Variants in RBM14 observed in about 807,000 individuals in gnomAD.
RBM14 encodes RNA-binding protein 14.
Under a neutral mutation model 52.8 loss-of-function variants are expected in RBM14, and 5 were observed. That is an observed-to-expected ratio of 0.09 (90% CI 0.05 to 0.20). The LOEUF is 0.20. Among genes scored for constraint, RBM14 ranks in the 10% least tolerant of loss-of-function variants. RBM14 has a pLI of 1.00. For synonymous variants in RBM14, 411 were observed against 401.8 expected (o/e 1.02, Z -0.28); for missense variants, 780 against 926.6 (o/e 0.84, Z 2.05).
intron 2 of RBM14, among the ~76,000 whole-genome samples, chr11:66,626,169 C>T (rs889683431): frequency 6.6e-6 from 1 of 152,240 alleles, no homozygotes; most frequent in Non-Finnish European, 1.5e-5. Context: ...TCTTTCTCTG[C>T]AGGGCCCAGG....
chr11:66,629,425 T>A lies in RBM14; in HGVS notation c.*2757T>A, dbSNP rs556452673. Among the ~76,000 whole-genome samples, 5 of 152,306 alleles carry A rather than the reference T, an allele frequency of 3.3e-5. No homozygotes were observed. Among genetic ancestry groups the A allele is most frequent in the African/African-American group, 9.6e-5 (4 of 41,568 alleles). On this transcript the variant is annotated 3_prime_UTR_variant, in exon 3 of 3. Coordinates refer to ENST00000310137, the MANE Select transcript of RBM14 (RefSeq NM_006328.4). Reference sequence around the variant, plus strand: ...TGTGTGCATGGTGGGCTTGAGACTCTCTTGTAATGGAGGTAATGGGACTAT... The same window carrying A: ...TGTGTGCATGGTGGGCTTGAGACTCACTTGTAATGGAGGTAATGGGACTAT...
At chr11:66,618,985 T>TA (rs1188957553) in intron 1 of RBM14, 1 of 170,370 alleles carries the variant, frequency 5.9e-6, no homozygotes, top group African/African-American at 2.4e-5. Context: ...TGCATTGACT[T>TA]ACTCCGGGAG....
chr11:66,621,468 C>G (rs761574422), intron 1 of RBM14, among the ~76,000 whole-genome samples: 1 of 151,930 alleles, frequency 6.6e-6, no homozygotes, highest in Non-Finnish European at 1.5e-5. Flanking sequence ...ACCTCCGCCT[C>G]CCGGGTTAAA....
Position 66,626,733 on chromosome 11 carries a change from C to A in RBM14, c.*65C>A, listed in dbSNP as rs1042449913. The A allele has an allele frequency of 8.5e-6, 12 of 1,417,608 alleles. No individual in the cohort carries two copies. The African/African-American group carries it at 1.7e-4, about 20-fold the overall frequency. 87.8% of individuals were successfully genotyped at this position (1,417,608 alleles called of 1,614,324 possible). ...AAAGAGGTGGGTAGGGTTACAGATC[C>A]AGGTTATAACTACTCTGGCCCATAC... On this transcript the variant is annotated 3_prime_UTR_variant, in exon 3 of 3. Coordinates refer to ENST00000310137, the MANE Select transcript of RBM14 (RefSeq NM_006328.4).
At position 66,629,512 on chromosome 11, in the gene RBM14, C is replaced by T. The variant is rs1206564330; in HGVS notation, c.*2844C>T. ...TCTAGTCATACCCATCACTTAAATTCTGCCACAGTCTGCACAGACGGTTGG... is the reference window on the plus strand; with the variant it reads ...TCTAGTCATACCCATCACTTAAATTTTGCCACAGTCTGCACAGACGGTTGG... On this transcript the variant is annotated 3_prime_UTR_variant, in exon 3 of 3. Coordinates refer to ENST00000310137, the MANE Select transcript of RBM14 (RefSeq NM_006328.4). Among the ~76,000 whole-genome samples, 3 of 152,228 alleles carry T rather than the reference C, an allele frequency of 2.0e-5. No individual in the cohort carries two copies. The highest frequency in any genetic ancestry group is 4.4e-5 in the Non-Finnish European group (3 of 68,042).
At position 66,625,583 on chromosome 11, in the gene RBM14, C is replaced by T. The variant is rs749606604; in HGVS notation, c.1707C>T (p.Ala569=). ...LSMSQGAVAN[A]NSTPPPYERT... ...TGTCCCAGGGGGCCGTTGCCAACGC[C>T]AACAGCACCCCGCCGCCCTATGAGC... The change falls in exon 2 of 3, where the codon GCC becomes GCT. Residue 569 remains alanine, a synonymous_variant. Coordinates refer to ENST00000310137, the MANE Select transcript of RBM14 (RefSeq NM_006328.4). The surrounding 1 kb of genome is among the most constrained non-coding windows in gnomAD (Gnocchi z 4.2). 8.1e-6 allele frequency: 13 copies of T among 1,611,450 alleles called. No homozygotes were observed. The Admixed American group carries it at 1.7e-4, about 21-fold the overall frequency.
intron 1 of RBM14, among the ~76,000 whole-genome samples, chr11:66,623,667 T>C (rs1371765158): frequency 6.6e-6 from 1 of 152,338 alleles, no homozygotes; most frequent in East Asian, 1.9e-4. Context: ...AGAGATCATA[T>C]TGGAATGTTG....
intron 1 of RBM14, among the ~76,000 whole-genome samples, chr11:66,618,120 T>C (rs1858928895): frequency 6.6e-6 from 1 of 152,226 alleles, no homozygotes. Context: ...CCTTAAGCTC[T>C]TTATCTTTTA....
chr11:66,624,730 A>T lies in RBM14; in HGVS notation c.854A>T (p.Tyr285Phe), dbSNP rs765160137. Residue 285 changes from tyrosine (Y) to phenylalanine (F), a missense_variant, in exon 2 of 3, where the codon TAC (tyrosine) becomes TTC (phenylalanine). By Grantham distance (22) the Tyr-to-Phe change is conservative (BLOSUM62 3). This residue lies in a region of RBM14 where 675 missense variants were observed against 697.3 expected (regional missense o/e 0.97). Coordinates refer to ENST00000310137, the MANE Select transcript of RBM14 (RefSeq NM_006328.4). The surrounding 1 kb of genome is among the most constrained non-coding windows in gnomAD (Gnocchi z 4.7). Reference sequence around the variant, plus strand: ...CCCTCTGTCTCCCTTGGGGCACCATACAGGGGCCAGCTGGCTAGTCCTAGC... The same window carrying T: ...CCCTCTGTCTCCCTTGGGGCACCATTCAGGGGCCAGCTGGCTAGTCCTAGC... ...AQPSVSLGAP[Y>F]RGQLASPSSQ... is the part of the protein sequence containing the mutation. The T allele has an allele frequency of 6.2e-7, 1 of 1,613,722 alleles. No individual in the cohort carries two copies. The highest frequency in any genetic ancestry group is 8.5e-7 in the Non-Finnish European group (1 of 1,179,890).
chr11:66,624,248 T>A lies in RBM14; in HGVS notation c.372T>A (p.Asp124Glu). Reference protein sequence around the residue: ...YAFVHMEKEADAKAAIAQLNG... With the variant: ...YAFVHMEKEAEAKAAIAQLNG... ...TTGTTCACATGGAGAAGGAAGCAGA[T>A]GCCAAAGCCGCAATCGCGCAGCTCA... Residue 124 changes from aspartate (D) to glutamate (E), a missense_variant, in exon 2 of 3, where the codon GAT (aspartate) becomes GAA (glutamate). Transcript: ENST00000310137. The surrounding 1 kb of genome is among the most constrained non-coding windows in gnomAD (Gnocchi z 4.7). 1 of 1,601,770 alleles carries A rather than the reference T, an allele frequency of 6.2e-7. No homozygotes were observed. Among genetic ancestry groups the A allele is most frequent in the Non-Finnish European group, 8.5e-7 (1 of 1,172,256 alleles).
In RBM14 at chr11:66,625,840, C is replaced by G. The variant is rs747229342; in HGVS notation, c.1802+162C>G. The stretch of plus-strand genomic sequence containing the variant: ...GAGGGGAGCAGTGTCTATGAACTTT[C>G]CTGGTCACCAGGGTTCAGGTGGAGC... On this transcript the variant is annotated intron_variant, in intron 2 of 2. Transcript: ENST00000310137. This position sits in a 1 kb window ranked among gnomAD's most constrained non-coding sequence, Gnocchi z 4.2. The G allele has an allele frequency of 1.6e-6, 1 of 629,980 alleles. No homozygotes were observed. Among genetic ancestry groups the G allele is most frequent in the Non-Finnish European group, 2.7e-6 (1 of 370,560 alleles). 39.0% of individuals were successfully genotyped at this position (629,980 alleles called of 1,614,324 possible). A position where few individuals can be genotyped will look rare whatever the true frequency, so the allele number is the denominator to read the frequency against.
chr11:66,620,707 A>T (rs1356315499), intron 1 of RBM14: 1 of 152,174 alleles, frequency 6.6e-6, no homozygotes, highest in Non-Finnish European at 1.5e-5. Flanking sequence ...TCTGAATAAA[A>T]CTCACTAAGG....
intron 1 of RBM14, among the ~76,000 whole-genome samples, chr11:66,618,017 G>A (rs555088546): frequency 6.6e-6 from 1 of 152,324 alleles, no homozygotes; most frequent in South Asian, 2.1e-4. Flanking sequence ...TCTCAGGGCA[G>A]ATCCCGGTGC....
chr11:66,619,710 G>A (rs945708832), intron 1 of RBM14, among the ~76,000 whole-genome samples: 1 of 152,000 alleles, frequency 6.6e-6, no homozygotes, highest in African/African-American at 2.4e-5. Flanking sequence ...GGGACTACAG[G>A]CGCCCGCCAC....
chr11:66,626,391 C>A, intron 2 of RBM14, 70 bp from the exon 3 acceptor site: 1 of 1,424,770 alleles, frequency 7.0e-7, no homozygotes, highest in Non-Finnish European at 9.8e-7. Context: ...CCATTGGCAT[C>A]TCCCCAATGC....
chr11:66,620,294 A>T (rs967684219), intron 1 of RBM14, among the ~76,000 whole-genome samples: 1 of 151,866 alleles, frequency 6.6e-6, no homozygotes, highest in South Asian at 2.1e-4. Context: ...ATTTATTTTT[A>T]TGTTATTTAT....
At chr11:66,626,260 G>A (rs914337254) in intron 2 of RBM14, among the ~76,000 whole-genome samples, 1 of 152,150 alleles carries the variant, frequency 6.6e-6, no homozygotes, top group Non-Finnish European at 1.5e-5. Context: ...TTCAGTGGAG[G>A]GTTTGATTTC....
rs1937845139 is a variant in RBM14, at chr11:66,626,926, G to C, written c.*258G>C. The C allele has an allele frequency of 2.6e-6, 1 of 387,276 alleles. No individual in the cohort carries two copies. 24.0% of individuals were successfully genotyped at this position (387,276 alleles called of 1,614,324 possible). A position where few individuals can be genotyped will look rare whatever the true frequency, so the allele number is the denominator to read the frequency against. ...CTCTACCCTGCCTCCCGTCTCCCCA[G>C]AATGGGAATTTCTTTTATGTTTTTA... On this transcript the variant is annotated 3_prime_UTR_variant, in exon 3 of 3. Coordinates refer to ENST00000310137, the MANE Select transcript of RBM14 (RefSeq NM_006328.4).
At chr11:66,623,264 G>T (rs1489862299) in intron 1 of RBM14, among the ~76,000 whole-genome samples, 1 of 152,212 alleles carries the variant, frequency 6.6e-6, no homozygotes, top group African/African-American at 2.4e-5. Flanking sequence ...AAACAGTGGA[G>T]GATGCAGTGT....
Sources: gnomAD v4.1 joint callset for allele counts (sites outside exome capture counted in the v4.1 genomes callset) on GRCh38, gnomAD v4.1.1 for gene constraint, gnomAD v4.1.1 regional missense constraint, Gnocchi (gnomAD v3.1) non-coding constraint, MANE v1.5 for transcripts, NCBI Gene and HGNC (gene_info 2026-07-23, HGNC 2026-07-21) for gene names.